Variants in NLK observed in about 807,000 individuals in gnomAD.
NLK encodes nemo like kinase.
Under a neutral mutation model 59.0 loss-of-function variants are expected in NLK, and 11 were observed. The ratio of observed to expected loss-of-function variants is 0.19; its 90% confidence interval spans 0.12 to 0.31. The LOEUF (loss-of-function observed/expected upper bound fraction) is 0.31, where lower values mean the gene tolerates loss of function less well. NLK is among the 10% of genes least tolerant of loss of function. The pLI, the probability that NLK is intolerant of heterozygous loss-of-function variation, is 1.00. For missense variants in NLK, 410 were observed against 661.1 expected (o/e 0.62, Z 4.16); for synonymous variants, 235 against 235.9 (o/e 1.00, Z 0.03).
intron 2 of NLK, among the ~76,000 whole-genome samples, chr17:28,128,096 A>G (rs2142018397): frequency 6.6e-6 from 1 of 152,356 alleles, no homozygotes; most frequent in African/African-American, 2.4e-5. Flanking sequence ...CATGTACCAT[A>G]TACATAAATT....
intron 1 of NLK, among the ~76,000 whole-genome samples, chr17:28,108,396 T>C (rs1223567095): frequency 6.6e-6 from 1 of 152,086 alleles, no homozygotes; most frequent in East Asian, 1.9e-4. Context: ...TGTTAGCTAT[T>C]ATATAAAAAT....
intron 1 of NLK, among the ~76,000 whole-genome samples, chr17:28,111,724 G>A (rs770416286): frequency 2.0e-5 from 3 of 151,994 alleles, no homozygotes; most frequent in Non-Finnish European, 4.4e-5. Context: ...GCCAACTCGG[G>A]TCTCTGCTCA....
At chr17:28,202,435 A>T in the NLK span, among the ~76,000 whole-genome samples, 59 of 152,014 alleles carry the variant, frequency 3.9e-4, 1 homozygote, top group Non-Finnish European at 1.5e-5. Flanking sequence ...TGCTGCACTC[A>T]CCTCAGCCTC....
At position 28,148,108 on chromosome 17, in the gene NLK, C is replaced by G. The variant is rs1172377788; in HGVS notation, c.645-13052C>G. ...TAGAAATTGTTAATTTTTACTGTAT[C>G]TAATGATTCCCAAACTTATATTTTT... On this transcript the variant is annotated intron_variant, in intron 3 of 10. Coordinates refer to ENST00000407008, the MANE Select transcript of NLK (RefSeq NM_016231.5). Among the ~76,000 whole-genome samples the G allele has an allele frequency of 4.1e-4, 62 of 152,096 alleles. 2 individuals are homozygous for G. The highest frequency in any genetic ancestry group is 4.1e-3 in the Admixed American group (62 of 15,254).
chr17:28,079,323 C>G (rs1910267587), intron 1 of NLK, among the ~76,000 whole-genome samples: 1 of 152,122 alleles, frequency 6.6e-6, no homozygotes, highest in Admixed American at 6.5e-5. Flanking sequence ...CTGTAATGAA[C>G]AGATATGCAA....
At chr17:28,094,828 T>A (rs1904642902) in intron 1 of NLK, among the ~76,000 whole-genome samples, 2 of 152,224 alleles carry the variant, frequency 1.3e-5, no homozygotes, top group African/African-American at 4.8e-5. Context: ...AGAGTAGAAC[T>A]AGCCTTTGAT....
At chr17:28,118,035 A>G (rs1029272160) in intron 1 of NLK, among the ~76,000 whole-genome samples, 8 of 152,188 alleles carry the variant, frequency 5.3e-5, no homozygotes, top group African/African-American at 1.7e-4. Context: ...ATCCTTGAAT[A>G]TATAACAAGG....
intron 3 of NLK, among the ~76,000 whole-genome samples, chr17:28,136,168 T>A (rs1179477292): frequency 2.0e-5 from 3 of 152,236 alleles, no homozygotes; most frequent in Non-Finnish European, 4.4e-5. Context: ...TTTTATTTTA[T>A]TTCATCCTAT....
At chr17:28,115,155 T>C (rs543174499) in intron 1 of NLK, among the ~76,000 whole-genome samples, 1 of 152,296 alleles carries the variant, frequency 6.6e-6, no homozygotes, top group East Asian at 1.9e-4. Flanking sequence ...GTACTACTGC[T>C]GGGAGTGAAG....
At chr17:28,118,848 G>C (rs1356051015) in intron 1 of NLK, among the ~76,000 whole-genome samples, 1 of 152,266 alleles carries the variant, frequency 6.6e-6, no homozygotes, top group South Asian at 2.1e-4. Flanking sequence ...CATGCTGCTT[G>C]AAGTATTAAT....
chr17:28,046,076 A>T (rs1333567226), intron 1 of NLK, among the ~76,000 whole-genome samples: 1 of 152,240 alleles, frequency 6.6e-6, no homozygotes, highest in African/African-American at 2.4e-5. Context: ...GGGGACATAC[A>T]CCCAGGGGTA....
chr17:28,147,309 T>G (rs1246942108), intron 3 of NLK, among the ~76,000 whole-genome samples: 1 of 152,188 alleles, frequency 6.6e-6, no homozygotes, highest in Non-Finnish European at 1.5e-5. Context: ...TCATCTTATT[T>G]ATAATTGAAG....
At chr17:28,109,021 A>C (rs1905338669) in intron 1 of NLK, among the ~76,000 whole-genome samples, 1 of 152,052 alleles carries the variant, frequency 6.6e-6, no homozygotes, top group Non-Finnish European at 1.5e-5. Context: ...ATACAAAAAA[A>C]GTAGCCGGGC....
intron 1 of NLK, among the ~76,000 whole-genome samples, chr17:28,081,370 A>C (rs1256124606): frequency 6.6e-6 from 1 of 151,924 alleles, no homozygotes; most frequent in African/African-American, 2.4e-5. Context: ...AAAAAAATTT[A>C]ATTTTTTTTA....
chr17:28,111,901 GTGTGTGTGTGTGT>G (rs1905527950), intron 1 of NLK, among the ~76,000 whole-genome samples: 4 of 88,648 alleles, frequency 4.5e-5, no homozygotes, highest in Non-Finnish European at 7.1e-5. Flanking sequence ...TGTGTGGTGT[GTGTGTGTGTGTGT>G]GTGTGTGTGT....
intron 1 of NLK, among the ~76,000 whole-genome samples, chr17:28,055,502 G>T (rs910261695): frequency 6.6e-5 from 10 of 151,748 alleles, no homozygotes; most frequent in Non-Finnish European, 1.0e-4. Context: ...ACACCCAGCT[G>T]TTTTTTTATT....
intron 1 of NLK, among the ~76,000 whole-genome samples, chr17:28,054,948 AGG>A (rs1348469952): frequency 1.3e-5 from 2 of 152,198 alleles, no homozygotes; most frequent in African/African-American, 4.8e-5. Context: ...GCTATTTAAG[AGG>A]ATAACTCTCT....
At chr17:28,094,782 G>C (rs138680323) in intron 1 of NLK, among the ~76,000 whole-genome samples, 1 of 152,150 alleles carries the variant, frequency 6.6e-6, no homozygotes, top group Non-Finnish European at 1.5e-5. Flanking sequence ...TAAAAAGTGG[G>C]TATGTTGCCT....
intron 1 of NLK, among the ~76,000 whole-genome samples, chr17:28,107,596 C>CT (rs1341015318): frequency 6.6e-6 from 1 of 151,946 alleles, no homozygotes; most frequent in African/African-American, 2.4e-5. Flanking sequence ...TGAAAAAACT[C>CT]TAAGAATAAT....
Sources: allele counts gnomAD v4.1 joint callset (sites outside exome capture counted in the v4.1 genomes callset), GRCh38; gene constraint gnomAD v4.1.1; transcripts MANE v1.5; gene names NCBI Gene and HGNC (gene_info 2026-07-23, HGNC 2026-07-21).